The following FAM107B variants were observed in gnomAD, a reference collection of about 807,000 sequenced individuals.
FAM107B encodes family with sequence similarity 107 member B, also known as protein FAM107B.
FAM107B carries 21 observed loss-of-function variants against 31.5 expected under a neutral mutation model. That is an observed-to-expected ratio of 0.67 (90% CI 0.47 to 0.96). FAM107B has a LOEUF of 0.96. Among genes scored for constraint, FAM107B ranks in the 40% least tolerant of loss-of-function variants. FAM107B has a pLI of 0.00. For synonymous variants in FAM107B, 157 were observed against 141.5 expected, an observed-to-expected ratio of 1.11 and a Z score of -0.78; for missense variants, 452 against 377.1, an observed-to-expected ratio of 1.20 and a Z score of -1.64.
At chr10:14,705,647 A>G (rs1273592042) in intron 1 of FAM107B, among the ~76,000 whole-genome samples, 1 of 152,092 alleles carries the variant, frequency 6.6e-6, no homozygotes, top group East Asian at 1.9e-4. Context: ...CCACTCCTAC[A>G]AGGTCCCTAG....
At chr10:14,674,666 GC>G (rs1854639021) in intron 1 of FAM107B, among the ~76,000 whole-genome samples, 1 of 152,184 alleles carries the variant, frequency 6.6e-6, no homozygotes, top group African/African-American at 2.4e-5. Context: ...TTAATTAGAA[GC>G]CAGGCCACCA....
chr10:14,745,200 C>G lies in FAM107B; in HGVS notation c.411+29053G>C, dbSNP rs1409643080. 2.6e-5 allele frequency among the ~76,000 whole-genome samples: 4 copies of G among 151,656 alleles called. No homozygotes were observed. The East Asian group carries it at 7.7e-4, about 29-fold the overall frequency. ...CTATTTGGTTCTTCTCTCTTTTCTT[C>G]TTTGTTAGTCTAGTTAGTGGTCTAT... On this transcript the variant is annotated intron_variant, in intron 1 of 4. Transcript: ENST00000181796.
At chr10:14,532,062 C>A (rs1374011234) in intron 2 of FAM107B, among the ~76,000 whole-genome samples, 2 of 152,212 alleles carry the variant, frequency 1.3e-5, no homozygotes, top group Non-Finnish European at 2.9e-5. Context: ...ACTGCTAATC[C>A]TTCAGCCTCA....
chr10:14,573,896 A>G (rs983320318), intron 2 of FAM107B, among the ~76,000 whole-genome samples: 2 of 151,706 alleles, frequency 1.3e-5, no homozygotes, highest in Admixed American at 1.3e-4. Flanking sequence ...TTGTGGATAC[A>G]TGATATAAAA....
intron 3 of FAM107B, among the ~76,000 whole-genome samples, chr10:14,523,076 T>C (rs898379361): frequency 6.6e-6 from 1 of 152,100 alleles, no homozygotes; most frequent in African/African-American, 2.4e-5. Flanking sequence ...ATCTGAAATA[T>C]TCGAGAGAAG....
chr10:14,742,891 C>A (rs2609811), intron 1 of FAM107B, among the ~76,000 whole-genome samples: 74,811 of 151,880 alleles, frequency 0.49, 20,162 homozygotes, highest in African/African-American at 0.73. Flanking sequence ...CACTCCACTG[C>A]GACAACTCTC....
intron 1 of FAM107B, among the ~76,000 whole-genome samples, chr10:14,761,034 A>AC (rs1208812572): frequency 0.058 from 8,514 of 146,356 alleles, 310 homozygotes; most frequent in East Asian, 0.09. Context: ...AAAAAAAAAA[A>AC]AAGAAAGACA....
At chr10:14,605,282 C>T (rs1027635905) in intron 2 of FAM107B, among the ~76,000 whole-genome samples, 1 of 152,206 alleles carries the variant, frequency 6.6e-6, no homozygotes, top group African/African-American at 2.4e-5. Context: ...CTTCAGCTCT[C>T]TTACAAGTGC....
At chr10:14,613,270 C>A (rs1489307164) in intron 2 of FAM107B, among the ~76,000 whole-genome samples, 1 of 152,126 alleles carries the variant, frequency 6.6e-6, no homozygotes, top group Admixed American at 6.5e-5. Context: ...CCTCACCGAG[C>A]CCATAAACTT....
intron 2 of FAM107B, among the ~76,000 whole-genome samples, chr10:14,615,545 C>T (rs576020291): frequency 6.6e-6 from 1 of 152,230 alleles, no homozygotes; most frequent in Non-Finnish European, 1.5e-5. Context: ...GGCAGAAATG[C>T]TCTTCCTCCC....
chr10:14,543,531 G>C (rs553490203), intron 2 of FAM107B, among the ~76,000 whole-genome samples: 1 of 151,906 alleles, frequency 6.6e-6, no homozygotes, highest in Non-Finnish European at 1.5e-5. Flanking sequence ...CAGGCCAAAC[G>C]AGAGACCACA....
chr10:14,772,679 T>G (rs1375388757), intron 1 of FAM107B, among the ~76,000 whole-genome samples: 1 of 152,082 alleles, frequency 6.6e-6, no homozygotes, highest in Non-Finnish European at 1.5e-5. Flanking sequence ...TGTTACAATG[T>G]CCTCTCTGCT....
chr10:14,762,304 C>T (rs1055112941), intron 1 of FAM107B, among the ~76,000 whole-genome samples: 1 of 152,188 alleles, frequency 6.6e-6, no homozygotes, highest in African/African-American at 2.4e-5. Context: ...CAACTACACT[C>T]ACAGATGGTT....
chr10:14,706,334 C>A (rs1855519242), intron 1 of FAM107B, among the ~76,000 whole-genome samples: 1 of 151,992 alleles, frequency 6.6e-6, no homozygotes, highest in South Asian at 2.1e-4. Context: ...CTAAAGTATC[C>A]CTCTTGCCTC....
At chr10:14,543,182 T>A (rs188447551) in intron 2 of FAM107B, among the ~76,000 whole-genome samples, 1 of 152,348 alleles carries the variant, frequency 6.6e-6, no homozygotes, top group Admixed American at 6.5e-5. Flanking sequence ...TTCTGTGGTC[T>A]AACAGTGTCA....
intron 1 of FAM107B, among the ~76,000 whole-genome samples, chr10:14,761,011 C>CAAA (rs565835423): frequency 2.9e-3 from 221 of 77,460 alleles, no homozygotes; most frequent in Middle Eastern, 8.6e-3. Context: ...GACTCCGTTT[C>CAAA]AAAAAAAAAA....
chr10:14,623,433 C>G (rs1008125115), intron 2 of FAM107B, among the ~76,000 whole-genome samples: 1 of 152,208 alleles, frequency 6.6e-6, no homozygotes, highest in Non-Finnish European at 1.5e-5. Context: ...AAGGTACAGA[C>G]ATTCAAAGGA....
rs564379502 is a variant in FAM107B, at chr10:14,560,571, G to A, written c.470-30056C>T. On this transcript the variant is annotated intron_variant, in intron 2 of 4. Transcript: ENST00000181796. ...AAGCTTGGGAAATAGGGCTGAAGAC[G>A]TGGACTGAGCAGTCGATGGAAGGCT... 4.6e-5 allele frequency among the ~76,000 whole-genome samples: 7 copies of A among 152,298 alleles called. No homozygotes were observed. The South Asian group carries it at 1.5e-3, about 32-fold the overall frequency.
chr10:14,647,882 C>T (rs1485373556), intron 2 of FAM107B, among the ~76,000 whole-genome samples: 1 of 151,908 alleles, frequency 6.6e-6, no homozygotes, highest in African/African-American at 2.4e-5. Context: ...TCTAATATTG[C>T]CCCAACCAAC....
Sources: allele counts gnomAD v4.1 joint callset (sites outside exome capture counted in the v4.1 genomes callset), GRCh38; gene constraint gnomAD v4.1.1; transcripts MANE v1.5; gene names NCBI Gene and HGNC (gene_info 2026-07-23, HGNC 2026-07-21).